AKAP6: variants seen among roughly 807,000 people sequenced by gnomAD.
AKAP6 encodes the protein A-kinase anchor protein 6.
Under a neutral mutation model 188.5 loss-of-function variants are expected in AKAP6, and 58 were observed. The ratio of observed to expected loss-of-function variants is 0.31; its 90% CI spans 0.25 to 0.38. The LOEUF is 0.38. Ranked by LOEUF, AKAP6 falls within the 10% of genes least tolerant of loss-of-function variation. The pLI is 1.00. For synonymous variants in AKAP6, 989 were observed against 998.6 expected (o/e 0.99, Z 0.18); for missense variants, 2,710 against 2,740.0 (o/e 0.99, Z 0.24).
At chr14:32,712,899 G>A (rs1443573417) in intron 9 of AKAP6, among the ~76,000 whole-genome samples, 1 of 152,032 alleles carries the variant, frequency 6.6e-6, no homozygotes, top group Non-Finnish European at 1.5e-5. Flanking sequence ...TGTTGTTAAT[G>A]GCATCTAGAA....
chr14:32,500,531 G>T (rs1369713621), intron 2 of AKAP6, among the ~76,000 whole-genome samples: 2 of 152,106 alleles, frequency 1.3e-5, no homozygotes, highest in Non-Finnish European at 2.9e-5. Context: ...GGATGCATAG[G>T]TGCCAATGGT....
chr14:32,528,681 A>G (rs1882254816), intron 2 of AKAP6, among the ~76,000 whole-genome samples: 1 of 151,852 alleles, frequency 6.6e-6, no homozygotes, highest in African/African-American at 2.4e-5. Context: ...AAACTTTATT[A>G]TTATTATTAT....
At position 32,823,820 on chromosome 14, in the gene AKAP6, A is replaced by G; in HGVS notation, c.6007A>G (p.Lys2003Glu). 6.2e-7 allele frequency: 1 copy of G among 1,613,608 alleles called. No homozygotes were observed. Among genetic ancestry groups the G allele is most frequent in the East Asian group, 2.2e-5 (1 of 44,878 alleles). ...FNNRQDSDAL[K>E]SSDDAPSMAG... ...CAACAGACAAGACTCTGATGCACTG[A>G]AATCATCTGATGATGCACCGAGTAT... The change falls in exon 13 of 14, where the codon AAA becomes GAA. Residue 2003 changes from lysine to glutamate, a missense_variant. This residue lies in a region of AKAP6 where 2,473 missense variants were observed against 2,426.1 expected (regional missense o/e 1.02). Transcript: ENST00000280979.
intron 2 of AKAP6, among the ~76,000 whole-genome samples, chr14:32,446,182 G>A (rs926452524): frequency 6.6e-6 from 1 of 152,208 alleles, no homozygotes; most frequent in Admixed American, 6.5e-5. Context: ...ATAGACAAAT[G>A]TAGGATTTGT....
chr14:32,638,903 A>G (rs1476678568), intron 7 of AKAP6, among the ~76,000 whole-genome samples: 5 of 152,062 alleles, frequency 3.3e-5, no homozygotes, highest in African/African-American at 1.2e-4. Context: ...GAGGGAATGA[A>G]TGATATCTTA....
At chr14:32,488,887 G>C (rs537273692) in intron 2 of AKAP6, among the ~76,000 whole-genome samples, 1 of 152,274 alleles carries the variant, frequency 6.6e-6, no homozygotes, top group Admixed American at 6.5e-5. Context: ...ATCTCAGTTG[G>C]AAATGCAGAA....
chr14:32,615,659 G>C (rs996085322), intron 7 of AKAP6, among the ~76,000 whole-genome samples: 1 of 140,158 alleles, frequency 7.1e-6, no homozygotes, highest in Non-Finnish European at 1.5e-5. Context: ...GCAGTGGCAC[G>C]ATATCTGCTC....
At chr14:32,797,115 A>C (rs187022549) in intron 12 of AKAP6, among the ~76,000 whole-genome samples, 138 of 152,346 alleles carry the variant, frequency 9.1e-4, no homozygotes, top group Middle Eastern at 3.4e-3. Flanking sequence ...TATTGTTAAA[A>C]ATAAAAAAAC....
At position 32,824,119 on chromosome 14, in the gene AKAP6, C is replaced by G; in HGVS notation, c.6306C>G (p.Ile2102Met). 6.2e-7 allele frequency: 1 copy of G among 1,613,920 alleles called. No individual in the cohort carries two copies. Reference protein sequence around the residue: ...EKVLEHSHRPIQLRKGDFYSY... With the variant: ...EKVLEHSHRPMQLRKGDFYSY... The stretch of plus-strand genomic sequence containing the variant: ...TGTTGGAGCATTCTCACCGGCCCAT[C>G]CAGCTGAGAAAAGGGGACTTTTATT... Residue 2102 changes from isoleucine to methionine, a missense_variant, in exon 13 of 14, where the codon ATC becomes ATG. Around this residue, in one of 2 missense-constraint regions of AKAP6, gnomAD observed 2,473 missense variants for 2,426.1 expected, o/e 1.02. Transcript: ENST00000280979.
chr14:32,510,632 G>C (rs1300244413), intron 2 of AKAP6, among the ~76,000 whole-genome samples: 6 of 151,296 alleles, frequency 4.0e-5, no homozygotes, highest in Non-Finnish European at 7.4e-5. Context: ...CCTACTTATA[G>C]ACCTTAAGCT....
intron 2 of AKAP6, among the ~76,000 whole-genome samples, chr14:32,482,751 C>T (rs1387977838): frequency 6.6e-6 from 1 of 152,070 alleles, no homozygotes; most frequent in Non-Finnish European, 1.5e-5. Context: ...TATAACAATA[C>T]AACTCAGAAA....
chr14:32,821,522 G>T lies in AKAP6; in HGVS notation c.3709G>T (p.Asp1237Tyr). The part of the protein sequence containing the change: ...KLISLNEESN[D>Y]LDQELQPVIP... ...AATTAGTTTGAATGAGGAATCAAATGACCTTGATCAAGAACTCCAACCTGT... is the reference window on the plus strand; with the variant it reads ...AATTAGTTTGAATGAGGAATCAAATTACCTTGATCAAGAACTCCAACCTGT... The change falls in exon 13 of 14, where the codon GAC becomes TAC. Residue 1237 changes from aspartate (D) to tyrosine (Y), a missense_variant. By Grantham distance (160) the Asp-to-Tyr change is radical (BLOSUM62 -3). Coordinates refer to ENST00000280979, the MANE Select transcript of AKAP6 (RefSeq NM_004274.5). The T allele has an allele frequency of 6.2e-7, 1 of 1,613,780 alleles. No homozygotes were observed. Among genetic ancestry groups the T allele is most frequent in the South Asian group, 1.1e-5 (1 of 91,058 alleles).
intron 4 of AKAP6, among the ~76,000 whole-genome samples, chr14:32,561,904 G>C (rs781109755): frequency 9.5e-4 from 144 of 152,354 alleles, no homozygotes; most frequent in Non-Finnish European, 1.5e-3. Context: ...ACTGAGGCTT[G>C]TGCTCTGTTC....
intron 2 of AKAP6, among the ~76,000 whole-genome samples, chr14:32,526,907 C>T (rs1482441835): frequency 6.6e-6 from 1 of 152,180 alleles, no homozygotes; most frequent in East Asian, 1.9e-4. Flanking sequence ...ATTGTCAGCA[C>T]CTCCCACTAG....
Position 32,833,526 on chromosome 14 carries a change from T to G in AKAP6, c.*3721T>G, listed in dbSNP as rs2034842798. The G allele has an allele frequency of 6.6e-6, 1 of 152,196 alleles. No individual in the cohort carries two copies. Among genetic ancestry groups the G allele is most frequent in the Admixed American group, 6.5e-5 (1 of 15,286 alleles). 9.4% of individuals were successfully genotyped at this position (152,196 alleles called of 1,614,324 possible). On this transcript the variant is annotated 3_prime_UTR_variant, in exon 14 of 14. Transcript: ENST00000280979. Reference sequence around the variant, plus strand: ...TCTGGTCACTGAATAAATATGCATCTTATACAACACAGAACAACCTAAATT... The same window carrying G: ...TCTGGTCACTGAATAAATATGCATCGTATACAACACAGAACAACCTAAATT...
chr14:32,435,108 A>G (rs1287705265), intron 2 of AKAP6, among the ~76,000 whole-genome samples: 2 of 152,230 alleles, frequency 1.3e-5, no homozygotes, highest in African/African-American at 4.8e-5. Flanking sequence ...TCAGAATAGC[A>G]GGTCTCCAAC....
intron 1 of AKAP6, among the ~76,000 whole-genome samples, chr14:32,353,025 G>A (rs1259035217): frequency 6.6e-6 from 1 of 151,370 alleles, no homozygotes; most frequent in Non-Finnish European, 1.5e-5. Flanking sequence ...AGTGTATCAG[G>A]GTTTCCTTTC....
rs781138670 is a variant in AKAP6 at position 32,545,862 on chromosome 14, T to A, written c.1209T>A (p.Asn403Lys). 8 of 1,614,086 alleles carry A rather than the reference T, an allele frequency of 5.0e-6. No homozygotes were observed. The highest frequency in any genetic ancestry group is 6.8e-6 in the Non-Finnish European group (8 of 1,180,026). Residue 403 changes from asparagine (N) to lysine (K), a missense_variant, in exon 4 of 14, where the codon AAT becomes AAA. Around this residue, in one of 2 missense-constraint regions of AKAP6, gnomAD observed 2,473 missense variants for 2,426.1 expected, o/e 1.02. Transcript: ENST00000280979. ...GLFLKEETFKNDLKGNGGKRQ... is the reference protein window; with the variant it reads ...GLFLKEETFKKDLKGNGGKRQ... ...TTCTTAAAGAGGAAACTTTTAAGAATGATCTGAAAGGCAATGGTGGAAAGA... is the reference window on the plus strand; with the variant it reads ...TTCTTAAAGAGGAAACTTTTAAGAAAGATCTGAAAGGCAATGGTGGAAAGA...
At chr14:32,745,779 T>C (rs528878406) in intron 11 of AKAP6, among the ~76,000 whole-genome samples, 1 of 152,292 alleles carries the variant, frequency 6.6e-6, no homozygotes, top group Admixed American at 6.5e-5. Flanking sequence ...CAGGCCCCTG[T>C]TGGGTCCAAG....
Sources: gnomAD v4.1 joint callset for allele counts (sites outside exome capture counted in the v4.1 genomes callset) on GRCh38, gnomAD v4.1.1 for gene constraint, gnomAD v4.1.1 regional missense constraint, MANE v1.5 for transcripts, NCBI Gene and HGNC (gene_info 2026-07-23, HGNC 2026-07-21) for gene names.